SETD1B: variants seen among roughly 807,000 people sequenced by gnomAD.
SETD1B encodes the protein SET domain containing 1B, histone lysine methyltransferase.
Under a neutral mutation model 148.0 loss-of-function variants are expected in SETD1B, and 7 were observed. The ratio of observed to expected loss-of-function variants is 0.05; its 90% CI spans 0.03 to 0.09. SETD1B has a LOEUF of 0.09. SETD1B is among the 10% of genes least tolerant of loss of function. SETD1B has a pLI of 1.00. For synonymous variants in SETD1B, 1,361 were observed against 1,186.5 expected (o/e 1.15, Z -3.02); for missense variants, 2,155 against 2,729.9 (o/e 0.79, Z 4.69).
At chr12:121,803,744 GAGACCCCCTCCCCCGCCAGCCA>G (rs1452302425), upstream of SETD1B, 4 of 152,120 alleles carry the variant, frequency 2.6e-5, no homozygotes, top group African/African-American at 7.2e-5. This position sits in a 1 kb window ranked among gnomAD's most constrained non-coding sequence, Gnocchi z 4.7. Context: ...AGAGCCCGGG[GAGACCCCCTCCCCCGCCAGCCA>G]AGACCCCCAC....
chr12:121,802,934 T>C (rs1171266342), upstream of SETD1B: 1 of 152,276 alleles, frequency 6.6e-6, no homozygotes, highest in African/African-American at 2.4e-5. Flanking sequence ...TGGCCTCTCC[T>C]TCGTGTCTGA....
intron 12 of SETD1B, 44 bp downstream of exon 12, chr12:121,823,793 G>A: frequency 6.7e-7 from 1 of 1,501,726 alleles, no homozygotes; most frequent in Non-Finnish European, 8.9e-7. Flanking sequence ...TGGGATGCAG[G>A]AAGTCCCTGC....
rs550208198 is a variant in SETD1B, at chr12:121,817,082, C to G, written c.2765C>G (p.Pro922Arg). The G allele has an allele frequency of 6.5e-7, 1 of 1,547,618 alleles. No individual in the cohort carries two copies. The highest frequency in any genetic ancestry group is 8.7e-7 in the Non-Finnish European group (1 of 1,145,446). ...KSGEHKDEDR[P>R]KPKDRIASCL... Reference sequence around the variant, plus strand: ...GGCGAGCACAAGGACGAGGACAGGCCGAAGCCCAAGGACCGCATCGCCTCG... The same window carrying G: ...GGCGAGCACAAGGACGAGGACAGGCGGAAGCCCAAGGACCGCATCGCCTCG... Residue 922 changes from proline (P) to arginine (R), a missense_variant, in exon 8 of 17, where the codon CCG (proline) becomes CGG (arginine). Pro to Arg is a moderately radical substitution (Grantham distance 103). Transcript: ENST00000604567. This position sits in a 1 kb window ranked among gnomAD's most constrained non-coding sequence, Gnocchi z 8.1.
In SETD1B at chr12:121,817,592, A is replaced by AGGAGGAGGAACAGGAGAGCAC; in HGVS notation, c.3201_3221dup (p.Gln1071_Glu1077dup). The stretch of plus-strand genomic sequence containing the variant: ...TCACCCTCGTCCTCGGCCTCCGACA[A>AGGAGGAGGAACAGGAGAGCAC]GGAGGAGGAACAGGAGAGCACCGAG... On this transcript the variant is annotated inframe_insertion, in exon 9 of 17. Transcript: ENST00000604567. This position sits in a 1 kb window ranked among gnomAD's most constrained non-coding sequence, Gnocchi z 8.1. The AGGAGGAGGAACAGGAGAGCAC allele has an allele frequency of 6.4e-7, 1 of 1,550,392 alleles. No individual in the cohort carries two copies. The highest frequency in any genetic ancestry group is 1.2e-5 in the South Asian group (1 of 83,942).
Position 121,807,614 on chromosome 12 carries a change from A to G in SETD1B, c.545-594A>G, listed in dbSNP as rs528435669. On this transcript the variant is annotated intron_variant, in intron 4 of 16. Transcript: ENST00000604567. ...CTCTGAGGCTCTATAAATATCGATA[A>G]CCCCTGGGCCCTGGTCTATAAAAGC... is the stretch of plus-strand genomic sequence containing the variant. Among the ~76,000 whole-genome samples the G allele has an allele frequency of 8.6e-5, 13 of 151,904 alleles. No individual in the cohort carries two copies. In the South Asian group the frequency reaches 2.3e-3, roughly 27 times the overall value.
chr12:121,817,046 C>T lies in SETD1B; in HGVS notation c.2729C>T (p.Pro910Leu), dbSNP rs1876323609. 2.6e-6 allele frequency: 4 copies of T among 1,528,138 alleles called. No homozygotes were observed. Among genetic ancestry groups the T allele is most frequent in the Non-Finnish European group, 1.8e-6 (2 of 1,131,952 alleles). The allele number at this position is 1,528,138 out of a possible 1,614,324, so 94.7% of individuals were successfully genotyped here. ...TCTCCACCCCAGGCCTCGCTGACCC[C>T]GGTGAAGTCGGGCGAGCACAAGGAC... Reference protein sequence around the residue: ...KERMAKASLTPVKSGEHKDED... With the variant: ...KERMAKASLTLVKSGEHKDED... Residue 910 changes from proline to leucine, a missense_variant, in exon 8 of 17, where the codon CCG becomes CTG. Physicochemically the swap from Pro to Leu is moderately conservative, Grantham distance 98. Transcript: ENST00000604567. The surrounding 1 kb of genome is among the most constrained non-coding windows in gnomAD (Gnocchi z 8.1).
In SETD1B at chr12:121,817,725, C is replaced by T; in HGVS notation, c.3312+21C>T. On this transcript the variant is annotated intron_variant, in intron 9 of 16. Transcript: ENST00000604567. This position sits in a 1 kb window ranked among gnomAD's most constrained non-coding sequence, Gnocchi z 8.1. ...ATAAGGTGCCTAGCAGGCCAGGAAG[C>T]CTCAGGGGGCCGGGCCAGGCGACGA... The T allele has an allele frequency of 6.5e-7, 1 of 1,538,460 alleles. No individual in the cohort carries two copies. Among genetic ancestry groups the T allele is most frequent in the South Asian group, 1.2e-5 (1 of 83,364 alleles).
rs376216615 is a variant in SETD1B at position 121,825,193 on chromosome 12, C to T, written c.5171-7C>T. 1.9e-6 allele frequency: 3 copies of T among 1,550,984 alleles called. No homozygotes were observed. The highest frequency in any genetic ancestry group is 2.7e-5 in the African/African-American group (2 of 73,028). ...GAATGTCCATGTGGCCCTTGACCCA[C>T]ACCCACCCACCAGCCTCTCTTCAGC... On this transcript the variant is annotated splice_polypyrimidine_tract_variant and splice_region_variant and intron_variant, in intron 12 of 16. Transcript: ENST00000604567.
In SETD1B at chr12:121,823,075, C is replaced by CCCG; in HGVS notation, c.4496_4497insCCG (p.Pro1499_Leu1500insArg). The CCCG allele has an allele frequency of 6.6e-7, 1 of 1,508,620 alleles. No individual in the cohort carries two copies. The highest frequency in any genetic ancestry group is 8.9e-7 in the Non-Finnish European group (1 of 1,128,828). The allele number at this position is 1,508,620 out of a possible 1,614,324, so 93.5% of individuals were successfully genotyped here. The stretch of plus-strand genomic sequence containing the variant: ...CGGGCCCAGGCTCGTGCGCCCACCC[C>CCCG]GCTGCCACCCCTGCTGCCCGCCCCC... On this transcript the variant is annotated inframe_insertion, in exon 12 of 17. Transcript: ENST00000604567.
chr12:121,822,319 C>T (rs1011342262), intron 11 of SETD1B, among the ~76,000 whole-genome samples, 171 bp from the exon 12 acceptor site: 1 of 152,146 alleles, frequency 6.6e-6, no homozygotes, highest in African/African-American at 2.4e-5. Flanking sequence ...ATACTGTGTG[C>T]CTGACACTGG....
chr12:121,808,429 A>T lies in SETD1B; in HGVS notation c.657+109A>T. On this transcript the variant is annotated intron_variant, in intron 5 of 16. Transcript: ENST00000604567. The surrounding 1 kb of genome is among the most constrained non-coding windows in gnomAD (Gnocchi z 5.3). ...GGGACCCCCAGCCTACCCCCACCTCACTCCAGCTTTGGAGACCAAGGCCTA... is the reference window on the plus strand; with the variant it reads ...GGGACCCCCAGCCTACCCCCACCTCTCTCCAGCTTTGGAGACCAAGGCCTA... 4.5e-6 allele frequency: 3 copies of T among 664,078 alleles called. No individual in the cohort carries two copies. Among genetic ancestry groups the T allele is most frequent in the Non-Finnish European group, 5.2e-6 (2 of 385,002 alleles). The allele number at this position is 664,078 out of a possible 1,614,324, so 41.1% of individuals were successfully genotyped here. A position where few individuals can be genotyped will look rare whatever the true frequency, so the allele number is the denominator to read the frequency against.
At position 121,804,938 on chromosome 12, in the gene SETD1B, C is replaced by A; in HGVS notation, c.174+27C>A. On this transcript the variant is annotated intron_variant, in intron 2 of 16. Transcript: ENST00000604567. The surrounding 1 kb of genome is among the most constrained non-coding windows in gnomAD (Gnocchi z 4.6). ...TGAGTAGCCGGCGCGCCCCCCCAGCCGTGCCCCGCGTCGTGTCCGGGGAGA... is the reference window on the plus strand; with the variant it reads ...TGAGTAGCCGGCGCGCCCCCCCAGCAGTGCCCCGCGTCGTGTCCGGGGAGA... The A allele has an allele frequency of 6.8e-7, 1 of 1,480,402 alleles. No individual in the cohort carries two copies. Among genetic ancestry groups the A allele is most frequent in the Non-Finnish European group, 9.0e-7 (1 of 1,111,858 alleles). 91.7% of individuals were successfully genotyped at this position (1,480,402 alleles called of 1,614,324 possible).
In SETD1B at chr12:121,810,742, C is replaced by A. The variant is rs544961879; in HGVS notation, c.1797C>A (p.Gly599=). 3.9e-6 allele frequency: 6 copies of A among 1,550,430 alleles called. No individual in the cohort carries two copies. The highest frequency in any genetic ancestry group is 5.2e-6 in the Non-Finnish European group (6 of 1,146,330). Reference sequence around the variant, plus strand: ...GGCCTCGGCCTCCACCTGAGCCAGGCCCCCCGGACCCTGCTGGGCTTCTGA... The same window carrying A: ...GGCCTCGGCCTCCACCTGAGCCAGGACCCCCGGACCCTGCTGGGCTTCTGA... ...GLGPRPPPEP[G]PPDPAGLLSQ... The change falls in exon 6 of 17, where the codon GGC becomes GGA. Residue 599 remains glycine (G), a synonymous_variant. Coordinates refer to ENST00000604567, the MANE Select transcript of SETD1B (RefSeq NM_001353345.2). The surrounding 1 kb of genome is among the most constrained non-coding windows in gnomAD (Gnocchi z 7.6).
At chr12:121,809,389 A>G (rs973448480) in intron 5 of SETD1B, among the ~76,000 whole-genome samples, 14 of 152,214 alleles carry the variant, frequency 9.2e-5, no homozygotes, top group African/African-American at 2.9e-4. Flanking sequence ...ATGACCCTCA[A>G]GGTTCCCTGA....
the SETD1B span, chr12:121,797,802 A>AAC: frequency 2.8e-6 from 1 of 352,818 alleles, no homozygotes; most frequent in South Asian, 2.1e-5. Context: ...CCAAATTTAA[A>AAC]ACAGGTTTCA....
At chr12:121,793,399 T>G in the SETD1B span, 1 of 1,489,874 alleles carries the variant, frequency 6.7e-7, no homozygotes, top group Non-Finnish European at 9.0e-7. Context: ...GGCGGCCGCC[T>G]GTCCGTGCTC....
Position 121,827,571 on chromosome 12 carries a change from G to A in SETD1B, c.5390G>A (p.Arg1797Gln), listed in dbSNP as rs1566561172. 3 of 1,549,842 alleles carry A rather than the reference G, an allele frequency of 1.9e-6. No individual in the cohort carries two copies. Among genetic ancestry groups the A allele is most frequent in the Admixed American group, 3.9e-5 (2 of 51,006 alleles). The change falls in exon 14 of 17, where the codon CGG becomes CAG. Residue 1797 changes from arginine (R) to glutamine (Q), a missense_variant. Arg to Gln is a conservative substitution (Grantham distance 43, BLOSUM62 1). Coordinates refer to ENST00000604567, the MANE Select transcript of SETD1B (RefSeq NM_001353345.2). The stretch of plus-strand genomic sequence containing the variant: ...GCCTCCACCCGGGCAGGCTCGGAGC[G>A]GCGTTCGGAGCAGCGCCGCCTGCTG... ...PHASTRAGSE[R>Q]RSEQRRLLSS...
chr12:121,821,363 G>A (rs1288586945), intron 11 of SETD1B, among the ~76,000 whole-genome samples: 8 of 151,862 alleles, frequency 5.3e-5, no homozygotes, highest in Non-Finnish European at 1.2e-4. Context: ...CTTGAACCCG[G>A]GTGGCAGAGG....
intron 6 of SETD1B, among the ~76,000 whole-genome samples, chr12:121,812,584 G>A (rs1461990607): frequency 6.6e-6 from 1 of 152,058 alleles, no homozygotes; most frequent in Non-Finnish European, 1.5e-5. Flanking sequence ...TGGAGCGCAG[G>A]ATCTGCCTCC....
Sources: allele counts gnomAD v4.1 joint callset (sites outside exome capture counted in the v4.1 genomes callset), GRCh38; gene constraint gnomAD v4.1.1; non-coding constraint Gnocchi (gnomAD v3.1); transcripts MANE v1.5; gene names NCBI Gene and HGNC (gene_info 2026-07-23, HGNC 2026-07-21).